AGBL4: variants seen among roughly 807,000 people sequenced by gnomAD.
The protein encoded by AGBL4 is AGBL carboxypeptidase 4, also known as cytosolic carboxypeptidase 6.
A neutral mutation model predicts 66.4 loss-of-function variants in AGBL4; 58 were observed. That is an observed-to-expected ratio of 0.87 (90% CI 0.71 to 1.09). AGBL4 has a LOEUF of 1.09. AGBL4 is among the 50% of genes least tolerant of loss of function. AGBL4 has a pLI of 0.00. For missense variants in AGBL4, 579 were observed against 631.0 expected (o/e 0.92, Z 0.88); for synonymous variants, 234 against 222.9 (o/e 1.05, Z -0.44).
chr1:49,787,520 A>AT (rs1644488240), intron 2 of AGBL4, among the ~76,000 whole-genome samples: 1 of 151,470 alleles, frequency 6.6e-6, no homozygotes. Flanking sequence ...AAAAAAAAAA[A>AT]TTGAAACCAA....
chr1:49,707,197 A>C (rs867529697), intron 2 of AGBL4, among the ~76,000 whole-genome samples: 1 of 151,996 alleles, frequency 6.6e-6, no homozygotes, highest in South Asian at 2.1e-4. Context: ...GTAGGTCTCT[A>C]AGAACTTGCT....
chr1:49,032,184 T>A (rs1664284405), intron 5 of AGBL4, among the ~76,000 whole-genome samples: 1 of 152,134 alleles, frequency 6.6e-6, no homozygotes, highest in Non-Finnish European at 1.5e-5. Flanking sequence ...GGTTGAAGAA[T>A]CAGGCAGAGA....
rs535037793 is a variant in AGBL4, at chr1:49,670,428, CA to C, written c.282+26884del. On this transcript the variant is annotated intron_variant, in intron 3 of 13. Transcript: ENST00000371839. ...GTAAACTTTGTAGAAAACAAATAGG[CA>C]AAGCCTACAGCTTTGCTGATCTGAA... Among the ~76,000 whole-genome samples, 226 of 152,266 alleles carry C rather than the reference CA, an allele frequency of 1.5e-3. 4 individuals carry two copies. Among genetic ancestry groups the C allele is most frequent in the African/African-American group, 5.3e-3 (219 of 41,564 alleles).
intron 1 of AGBL4, among the ~76,000 whole-genome samples, chr1:49,957,423 T>C (rs1473223205): frequency 6.6e-6 from 1 of 151,918 alleles, no homozygotes; most frequent in Non-Finnish European, 1.5e-5. Flanking sequence ...TTGTTAACTT[T>C]CTGTCTCGTT....
intron 4 of AGBL4, among the ~76,000 whole-genome samples, chr1:49,196,270 C>G (rs576859399): frequency 5.3e-5 from 8 of 151,976 alleles, no homozygotes; most frequent in Non-Finnish European, 8.8e-5. Context: ...TTTAAAAAAC[C>G]TGTCTTCAAG....
Position 49,931,824 on chromosome 1 carries a change from T to C in AGBL4, c.35-80306A>G, listed in dbSNP as rs540040988. Among the ~76,000 whole-genome samples the C allele has an allele frequency of 7.2e-5, 11 of 152,212 alleles. 1 individual carries two copies. Among genetic ancestry groups the C allele is most frequent in the African/African-American group, 2.6e-4 (11 of 41,540 alleles). ...AAGAGCCAAAAACAACTTTGACAAA[T>C]AAGGACAGATTTGGAAGACTAATGC... On this transcript the variant is annotated intron_variant, in intron 1 of 13. Coordinates refer to ENST00000371839, the MANE Select transcript of AGBL4 (RefSeq NM_032785.4).
At chr1:49,096,506 G>T (rs1490744130) in intron 4 of AGBL4, among the ~76,000 whole-genome samples, 8 of 151,752 alleles carry the variant, frequency 5.3e-5, no homozygotes, top group African/African-American at 1.9e-4. Flanking sequence ...ATACTATGCA[G>T]CCATAAAAAA....
chr1:49,432,724 C>G (rs1645814091), intron 3 of AGBL4, among the ~76,000 whole-genome samples: 2 of 152,100 alleles, frequency 1.3e-5, no homozygotes, highest in Admixed American at 1.3e-4. Flanking sequence ...CATTGTGAAA[C>G]ATGAATTTGT....
chr1:49,648,727 G>GA (rs1319175730), intron 3 of AGBL4, among the ~76,000 whole-genome samples: 2 of 150,342 alleles, frequency 1.3e-5, no homozygotes, highest in Admixed American at 1.3e-4. Context: ...AAAGTGTGGA[G>GA]AAAAAAAACT....
intron 6 of AGBL4, among the ~76,000 whole-genome samples, chr1:48,856,183 T>A (rs1424881592): frequency 6.6e-6 from 1 of 152,170 alleles, no homozygotes; most frequent in Non-Finnish European, 1.5e-5. Context: ...ATTTGTACAA[T>A]GAGCATGTGC....
intron 3 of AGBL4, among the ~76,000 whole-genome samples, chr1:49,310,992 C>T (rs1291299073): frequency 2.0e-5 from 3 of 152,144 alleles, no homozygotes; most frequent in African/African-American, 7.2e-5. Context: ...AACTATTACA[C>T]TATATTGCCT....
intron 3 of AGBL4, among the ~76,000 whole-genome samples, chr1:49,580,491 T>A (rs759301694): frequency 1.1e-4 from 17 of 152,214 alleles, no homozygotes; most frequent in Non-Finnish European, 2.1e-4. Flanking sequence ...GCTTTACAAG[T>A]GAATTTTATA....
intron 6 of AGBL4, among the ~76,000 whole-genome samples, chr1:48,804,398 T>C (rs1329080744): frequency 6.6e-6 from 1 of 152,218 alleles, no homozygotes. Flanking sequence ...GAAGTTTTAC[T>C]CTCTATTTTA....
Position 48,736,592 on chromosome 1 carries a change from A to G in AGBL4, c.635-73351T>C. On this transcript the variant is annotated intron_variant, in intron 6 of 13. Coordinates refer to ENST00000371839, the MANE Select transcript of AGBL4 (RefSeq NM_032785.4). This position sits in a 1 kb window ranked among gnomAD's most constrained non-coding sequence, Gnocchi z 4.0. Reference sequence around the variant, plus strand: ...ATGAAATTAACTCTCTTTAAGGGTAATCGTAATAGCTATCATCTACTGAAT... The same window carrying G: ...ATGAAATTAACTCTCTTTAAGGGTAGTCGTAATAGCTATCATCTACTGAAT... 1 of 720,972 alleles carries G rather than the reference A, an allele frequency of 1.4e-6. No homozygotes were observed. Among genetic ancestry groups the G allele is most frequent in the South Asian group, 1.9e-5 (1 of 53,774 alleles). The allele number at this position is 720,972 out of a possible 1,614,324, so 44.7% of individuals were successfully genotyped here. A position where few individuals can be genotyped will look rare whatever the true frequency, so the allele number is the denominator to read the frequency against.
chr1:49,459,135 A>G (rs952725010), intron 3 of AGBL4, among the ~76,000 whole-genome samples: 3 of 151,342 alleles, frequency 2.0e-5, no homozygotes, highest in African/African-American at 7.3e-5. Context: ...TTTAAGAAGC[A>G]TTTTCTCTTT....
chr1:48,761,178 C>T (rs1270806480), intron 6 of AGBL4: 1 of 795,310 alleles, frequency 1.3e-6, no homozygotes, highest in Non-Finnish European at 1.9e-6. Flanking sequence ...AAGGCAAATA[C>T]ACACGAGTTG....
intron 3 of AGBL4, among the ~76,000 whole-genome samples, chr1:49,526,568 T>G (rs944289309): frequency 1.3e-5 from 2 of 151,966 alleles, no homozygotes; most frequent in African/African-American, 4.8e-5. Context: ...TATAGGTAGG[T>G]GGATACCAAA....
intron 3 of AGBL4, among the ~76,000 whole-genome samples, chr1:49,262,694 T>G (rs544557224): frequency 3.9e-5 from 6 of 152,280 alleles, no homozygotes; most frequent in East Asian, 1.9e-4. Flanking sequence ...GGAACACTTT[T>G]ACACTGTTGG....
At chr1:49,662,832 G>A (rs1404069715) in intron 3 of AGBL4, among the ~76,000 whole-genome samples, 1 of 152,038 alleles carries the variant, frequency 6.6e-6, no homozygotes, top group Non-Finnish European at 1.5e-5. Context: ...GGCAGTTAAG[G>A]TTCTCAGCTT....
Sources: allele counts gnomAD v4.1 joint callset (sites outside exome capture counted in the v4.1 genomes callset), GRCh38; gene constraint gnomAD v4.1.1; non-coding constraint Gnocchi (gnomAD v3.1); transcripts MANE v1.5; gene names NCBI Gene and HGNC (gene_info 2026-07-23, HGNC 2026-07-21).